The following PLSCR3 variants were observed in gnomAD, a reference collection of about 807,000 sequenced individuals.
The protein encoded by PLSCR3 is PL scramblase 3.
In PLSCR3, 17 loss-of-function variants were observed where a neutral mutation model predicts 33.7. The observed-to-expected ratio is 0.50, with a 90% CI of 0.35 to 0.76. The LOEUF is 0.76. Ranked by LOEUF, PLSCR3 falls within the 30% of genes least tolerant of loss-of-function variation. PLSCR3 has a pLI of 0.01. For synonymous variants in PLSCR3, 166 were observed against 166.0 expected (o/e 1.00, Z 0.00); for missense variants, 360 against 394.1 (o/e 0.91, Z 0.73).
rs114731648 is a variant in PLSCR3 at position 7,390,292 on chromosome 17, A to G, written c.*93T>C. ...CCCCCTTCTGTCCCCTGCAGTGTAC[A>G]TGGAGGAAAGGGGCTGCCCAGAGGA... On this transcript the variant is annotated 3_prime_UTR_variant, in exon 8 of 8. Transcript: ENST00000619711. 2.0e-6 allele frequency: 2 copies of G among 1,001,212 alleles called. No individual in the cohort carries two copies. The highest frequency in any genetic ancestry group is 5.2e-5 in the East Asian group (2 of 38,424). 62.0% of individuals were successfully genotyped at this position (1,001,212 alleles called of 1,614,324 possible).
At chr17:7,393,017 T>C (rs1905852038) in intron 5 of PLSCR3, 65 bp from the exon 6 acceptor site, 1 of 1,545,080 alleles carries the variant, frequency 6.5e-7, no homozygotes, top group Non-Finnish European at 8.8e-7. Context: ...ATCTGTCTAT[T>C]TGGCCCTCAC....
chr17:7,394,006 C>A lies in PLSCR3; in HGVS notation c.7+98G>T. 6.8e-7 allele frequency: 1 copy of A among 1,473,546 alleles called. No individual in the cohort carries two copies. The allele number at this position is 1,473,546 out of a possible 1,614,324, so 91.3% of individuals were successfully genotyped here. ...CCCCGGAAGGAAGGGAGGGGCCCCA[C>A]CCAGCCAGTCCGAGCACATTCCGGG... On this transcript the variant is annotated intron_variant, in intron 2 of 7. Coordinates refer to ENST00000619711, the MANE Select transcript of PLSCR3 (RefSeq NM_020360.4). This position sits in a 1 kb window ranked among gnomAD's most constrained non-coding sequence, Gnocchi z 5.3.
intron 5 of PLSCR3, 32 bp downstream of exon 5, chr17:7,393,112 G>GCC: frequency 7.2e-6 from 9 of 1,256,046 alleles, no homozygotes; most frequent in Non-Finnish European, 9.6e-6. Flanking sequence ...CCCCACCAAG[G>GCC]CCCGCCCTCC....
chr17:7,394,188 CCAGA>C lies in PLSCR3; in HGVS notation c.-82_-79del, dbSNP rs1905990532. The C allele has an allele frequency of 7.2e-7, 1 of 1,382,110 alleles. No individual in the cohort carries two copies. The highest frequency in any genetic ancestry group is 1.2e-5 in the South Asian group (1 of 84,818). The allele number at this position is 1,382,110 out of a possible 1,614,324, so 85.6% of individuals were successfully genotyped here. ...GAAGCGGAGGCAAACTCGGAGATAG[CCAGA>C]CAGACACAGAGACAGACACAAAGAC... is the stretch of plus-strand genomic sequence containing the variant. On this transcript the variant is annotated 5_prime_UTR_variant, in exon 2 of 8. Coordinates refer to ENST00000619711, the MANE Select transcript of PLSCR3 (RefSeq NM_020360.4). This position sits in a 1 kb window ranked among gnomAD's most constrained non-coding sequence, Gnocchi z 5.3.
rs2143184520 is a variant in PLSCR3 at position 7,389,906 on chromosome 17, G to C, written c.*479C>G. ...GCACTGGGGTCCCCCTGCAGCTGTT[G>C]ATGGGGAGGTAGAGACCCCCTCAAA... On this transcript the variant is annotated 3_prime_UTR_variant, in exon 8 of 8. Transcript: ENST00000619711. The C allele has an allele frequency of 6.4e-6, 1 of 156,314 alleles. No individual in the cohort carries two copies. Among genetic ancestry groups the C allele is most frequent in the South Asian group, 2.0e-4 (1 of 4,906 alleles). The allele number at this position is 156,314 out of a possible 1,614,324, so 9.7% of individuals were successfully genotyped here. A position where few individuals can be genotyped will look rare whatever the true frequency, so the allele number is the denominator to read the frequency against.
chr17:7,392,679 G>A, intron 6 of PLSCR3, 112 bp downstream of exon 6: 1 of 1,001,892 alleles, frequency 1.0e-6, no homozygotes, highest in Non-Finnish European at 1.6e-6. Context: ...CGGAGTCACA[G>A]TGGATTTGGA....
intron 7 of PLSCR3, 90 bp from the exon 8 acceptor site, chr17:7,390,531 C>T (rs1905584015): frequency 6.4e-7 from 1 of 1,565,490 alleles, no homozygotes; most frequent in African/African-American, 1.3e-5. Context: ...ACCCCCACAA[C>T]ACCTATTCCT....
At chr17:7,393,396 G>A (rs1168704390) in intron 4 of PLSCR3, 32 bp from the exon 5 acceptor site, 3 of 1,613,010 alleles carry the variant, frequency 1.9e-6, no homozygotes, top group East Asian at 4.5e-5. Flanking sequence ...GACTCGTAGA[G>A]CCTCGCGCGC....
In PLSCR3 at chr17:7,394,216, A is replaced by C; in HGVS notation, c.-106T>G. 1 of 1,117,570 alleles carries C rather than the reference A, an allele frequency of 8.9e-7. No individual in the cohort carries two copies. The highest frequency in any genetic ancestry group is 1.3e-6 in the Non-Finnish European group (1 of 757,060). The allele number at this position is 1,117,570 out of a possible 1,614,324, so 69.2% of individuals were successfully genotyped here. A position where few individuals can be genotyped will look rare whatever the true frequency, so the allele number is the denominator to read the frequency against. ...GACAGACACAGAGACAGACACAAAGACGGAGAGGCAGCTGCGCCCGGCGCC... is the reference window on the plus strand; with the variant it reads ...GACAGACACAGAGACAGACACAAAGCCGGAGAGGCAGCTGCGCCCGGCGCC... On this transcript the variant is annotated 5_prime_UTR_variant, in exon 2 of 8. Transcript: ENST00000619711. The surrounding 1 kb of genome is among the most constrained non-coding windows in gnomAD (Gnocchi z 5.3).
intron 6 of PLSCR3, 34 bp downstream of exon 6, chr17:7,392,757 C>G: frequency 1.2e-6 from 2 of 1,603,142 alleles, no homozygotes; most frequent in Non-Finnish European, 1.7e-6. Flanking sequence ...TCTTGGTTTA[C>G]GAAGGTCCCA....
rs1016062736 is a variant in PLSCR3, at chr17:7,393,962, G to C, written c.8-126C>G. The stretch of plus-strand genomic sequence containing the variant: ...GCAAGAGGCAGAGAAAGATGGGGCA[G>C]GGGAGCAGGGTGGAGGTTCCCCGGA... On this transcript the variant is annotated intron_variant, in intron 2 of 7. Transcript: ENST00000619711. The C allele has an allele frequency of 5.2e-6, 6 of 1,156,578 alleles. No homozygotes were observed. In the African/African-American group the frequency reaches 7.7e-5, roughly 15 times the overall value. The allele number at this position is 1,156,578 out of a possible 1,614,324, so 71.6% of individuals were successfully genotyped here. A position where few individuals can be genotyped will look rare whatever the true frequency, so the allele number is the denominator to read the frequency against.
chr17:7,390,806 G>A lies in PLSCR3; in HGVS notation c.670-11C>T, dbSNP rs1270011646. On this transcript the variant is annotated splice_polypyrimidine_tract_variant and intron_variant, in intron 6 of 7. Transcript: ENST00000619711. ...ATCCCGAGTCTTCACCTGTCATCAG[G>A]GAGGGAGAAAGGACCCAGCTGAGGA... 1 of 1,613,536 alleles carries A rather than the reference G, an allele frequency of 6.2e-7. No individual in the cohort carries two copies. The highest frequency in any genetic ancestry group is 1.1e-5 in the South Asian group (1 of 91,086).
Position 7,393,525 on chromosome 17 carries a change from C to G in PLSCR3, c.244-16G>C. On this transcript the variant is annotated splice_polypyrimidine_tract_variant and intron_variant, in intron 3 of 7. Coordinates refer to ENST00000619711, the MANE Select transcript of PLSCR3 (RefSeq NM_020360.4). ...TCTGATCAATCTGGAAAGAGAGGGG[C>G]GGCGCGCACATCAGCTGGCCCATCT... 6.2e-7 allele frequency: 1 copy of G among 1,614,094 alleles called. No homozygotes were observed. The highest frequency in any genetic ancestry group is 1.1e-5 in the South Asian group (1 of 91,086).
In PLSCR3 at chr17:7,394,163, G is replaced by C; in HGVS notation, c.-53C>G. On this transcript the variant is annotated 5_prime_UTR_variant, in exon 2 of 8. Transcript: ENST00000619711. The surrounding 1 kb of genome is among the most constrained non-coding windows in gnomAD (Gnocchi z 5.3). ...ATGGTGTCTGGGTGGCTTAGTTCTG[G>C]AAGCGGAGGCAAACTCGGAGATAGC... 1 of 1,576,414 alleles carries C rather than the reference G, an allele frequency of 6.3e-7. No homozygotes were observed. Among genetic ancestry groups the C allele is most frequent in the South Asian group, 1.1e-5 (1 of 89,686 alleles).
Position 7,391,398 on chromosome 17 carries a change from G to A in PLSCR3, c.670-603C>T, listed in dbSNP as rs2143201874. On this transcript the variant is annotated intron_variant, in intron 6 of 7. Coordinates refer to ENST00000619711, the MANE Select transcript of PLSCR3 (RefSeq NM_020360.4). The surrounding 1 kb of genome is among the most constrained non-coding windows in gnomAD (Gnocchi z 4.1). Reference sequence around the variant, plus strand: ...ACATGCCTATCTACTGTGGAGAGAGGCAGCAGTAAGTAGCCTTTGAGGACC... The same window carrying A: ...ACATGCCTATCTACTGTGGAGAGAGACAGCAGTAAGTAGCCTTTGAGGACC... Among the ~76,000 whole-genome samples, 1 of 152,346 alleles carries A rather than the reference G, an allele frequency of 6.6e-6. No homozygotes were observed. The highest frequency in any genetic ancestry group is 2.1e-4 in the South Asian group (1 of 4,834).
rs566513299 is a variant in PLSCR3, at chr17:7,391,903, C to T, written c.669+888G>A. ...ATTATCCCTTAAAGAACTCAAGGGT[C>T]GGTCAGGTGCGGTGGCTCACGCCTG... On this transcript the variant is annotated intron_variant, in intron 6 of 7. Coordinates refer to ENST00000619711, the MANE Select transcript of PLSCR3 (RefSeq NM_020360.4). This position sits in a 1 kb window ranked among gnomAD's most constrained non-coding sequence, Gnocchi z 4.1. Among the ~76,000 whole-genome samples the T allele has an allele frequency of 1.2e-3, 181 of 152,300 alleles. 1 individual carries two copies. Among genetic ancestry groups the T allele is most frequent in the African/African-American group, 4.1e-3 (172 of 41,572 alleles).
chr17:7,391,805 T>G lies in PLSCR3; in HGVS notation c.669+986A>C, dbSNP rs771275709. Among the ~76,000 whole-genome samples, 70 of 152,360 alleles carry G rather than the reference T, an allele frequency of 4.6e-4. No homozygotes were observed. The highest frequency in any genetic ancestry group is 7.4e-4 in the Non-Finnish European group (50 of 68,026). ...CTCATTTTTGCAAAGTAACCTTAGG[T>G]AGGGTACCTCATTAGAAGCGTTGGA... On this transcript the variant is annotated intron_variant, in intron 6 of 7. Coordinates refer to ENST00000619711, the MANE Select transcript of PLSCR3 (RefSeq NM_020360.4). The surrounding 1 kb of genome is among the most constrained non-coding windows in gnomAD (Gnocchi z 4.1).
chr17:7,390,458 G>T lies in PLSCR3; in HGVS notation c.832-17C>A. On this transcript the variant is annotated splice_polypyrimidine_tract_variant and intron_variant, in intron 7 of 7. Coordinates refer to ENST00000619711, the MANE Select transcript of PLSCR3 (RefSeq NM_020360.4). ...CATGTAGTCCTAAGAGGAGGCCACT[G>T]TCAATGGGAGATCCGGCTGGGCCAG... 6.3e-7 allele frequency: 1 copy of T among 1,588,878 alleles called. No individual in the cohort carries two copies. The highest frequency in any genetic ancestry group is 2.3e-5 in the East Asian group (1 of 44,160).
chr17:7,392,038 AGC>A (rs1428280295), intron 6 of PLSCR3, among the ~76,000 whole-genome samples: 1 of 152,200 alleles, frequency 6.6e-6, no homozygotes, highest in Non-Finnish European at 1.5e-5. Context: ...ATATAAAATT[AGC>A]CAGGCATGGC....
Sources: gnomAD v4.1 joint callset for allele counts (sites outside exome capture counted in the v4.1 genomes callset) on GRCh38, gnomAD v4.1.1 for gene constraint, Gnocchi (gnomAD v3.1) non-coding constraint, MANE v1.5 for transcripts, NCBI Gene and HGNC (gene_info 2026-07-23, HGNC 2026-07-21) for gene names.